The following CABLES1 variants were observed in gnomAD, a reference collection of about 807,000 sequenced individuals.
The protein encoded by CABLES1 is CDK5 and ABL1 enzyme substrate 1.
A neutral mutation model predicts 57.8 loss-of-function variants in CABLES1; 36 were observed. The ratio of observed to expected loss-of-function variants is 0.62; its 90% CI spans 0.48 to 0.82. The LOEUF (loss-of-function observed/expected upper bound fraction) is 0.82. Ranked by LOEUF, CABLES1 falls within the 40% of genes least tolerant of loss-of-function variation. The probability of loss-of-function intolerance (pLI) is 0.00; values close to 1 mark genes in which losing one functional copy is unlikely to be tolerated. For missense variants in CABLES1, 767 were observed against 836.6 expected, an observed-to-expected ratio of 0.92 and a Z score of 1.03; for synonymous variants, 374 against 363.0, an observed-to-expected ratio of 1.03 and a Z score of -0.35.
Position 23,253,887 on chromosome 18 carries a change from C to A in CABLES1, c.1712C>A (p.Ala571Asp). The A allele has an allele frequency of 1.9e-6, 3 of 1,614,128 alleles. No homozygotes were observed. The highest frequency in any genetic ancestry group is 2.5e-6 in the Non-Finnish European group (3 of 1,180,036). ...LCAGACVLLA[A>D]KIGSDLKKHE... ...GCTGGGGCATGTGTGCTGTTAGCAG[C>A]CAAAATTGGAAGTGACCTCAAAAAA... Residue 571 changes from alanine (A) to aspartate (D), a missense_variant, in exon 9 of 10, where the codon GCC becomes GAC. Physicochemically the swap from Ala to Asp is moderately radical, Grantham distance 126 (BLOSUM62 -2). Transcript: ENST00000256925.
intron 4 of CABLES1, among the ~76,000 whole-genome samples, chr18:23,223,075 A>G (rs1202374344): frequency 2.0e-5 from 3 of 152,194 alleles, no homozygotes; most frequent in African/African-American, 4.8e-5. Flanking sequence ...CAAGGATGCC[A>G]AGGGCCTTTA....
At chr18:23,147,550 G>C (rs958227571) in intron 1 of CABLES1, among the ~76,000 whole-genome samples, 1 of 152,206 alleles carries the variant, frequency 6.6e-6, no homozygotes, top group Admixed American at 6.5e-5. Flanking sequence ...AATTTGACAA[G>C]GTCTGCTCTG....
At chr18:23,194,386 G>A (rs959957794) in intron 2 of CABLES1, 62 bp from the exon 3 acceptor site, 5 of 1,013,548 alleles carry the variant, frequency 4.9e-6, no homozygotes, top group African/African-American at 1.6e-5. Context: ...GTCTTTATGT[G>A]GAGACGTCTC....
At position 23,218,684 on chromosome 18, in the gene CABLES1, C is replaced by G. The variant is rs28454708; in HGVS notation, c.1088+4630C>G. ...GGCTCCCGCATCCTCACTTGCCCTGCCTCCCACCATGGCCTCCACATTTTG... is the reference window on the plus strand; with the variant it reads ...GGCTCCCGCATCCTCACTTGCCCTGGCTCCCACCATGGCCTCCACATTTTG... On this transcript the variant is annotated intron_variant, in intron 4 of 9. Coordinates refer to ENST00000256925, the MANE Select transcript of CABLES1 (RefSeq NM_001100619.3). Among the ~76,000 whole-genome samples, 1,205 of 148,952 alleles carry G rather than the reference C, an allele frequency of 8.1e-3. 14 individuals are homozygous for G. The highest frequency in any genetic ancestry group is 0.014 in the Non-Finnish European group (919 of 66,620).
At chr18:23,176,998 C>G (rs551207664) in intron 1 of CABLES1, among the ~76,000 whole-genome samples, 1 of 152,282 alleles carries the variant, frequency 6.6e-6, no homozygotes, top group East Asian at 1.9e-4. Context: ...GCTCCGTTCT[C>G]TCCTGACTGT....
intron 7 of CABLES1, among the ~76,000 whole-genome samples, chr18:23,239,635 G>A (rs907683927): frequency 6.6e-6 from 1 of 152,184 alleles, no homozygotes; most frequent in South Asian, 2.1e-4. Flanking sequence ...TGGGGAACAG[G>A]TATAGAATTC....
intron 4 of CABLES1, among the ~76,000 whole-genome samples, chr18:23,227,568 A>G (rs758237256): frequency 2.0e-5 from 3 of 152,076 alleles, no homozygotes; most frequent in Non-Finnish European, 2.9e-5. Flanking sequence ...TTGTCCATCA[A>G]CTGTGGACCC....
At chr18:23,188,799 T>C (rs2047220981) in intron 1 of CABLES1, 39 bp from the exon 2 acceptor site, 4 of 1,413,364 alleles carry the variant, frequency 2.8e-6, no homozygotes, top group Non-Finnish European at 4.0e-6. Flanking sequence ...AGTTCTGCAA[T>C]GCAGTTTTAA....
At chr18:23,253,256 G>A (rs1422429971) in intron 8 of CABLES1, among the ~76,000 whole-genome samples, 190 bp downstream of exon 8, 5 of 152,220 alleles carry the variant, frequency 3.3e-5, no homozygotes, top group Non-Finnish European at 5.9e-5. Flanking sequence ...GCCGAAGTGG[G>A]CGGATCACCT....
Position 23,161,754 on chromosome 18 carries a change from C to CAAAAAAA in CABLES1, c.845+25162_845+25168dup, listed in dbSNP as rs1184010487. Among the ~76,000 whole-genome samples the CAAAAAAA allele has an allele frequency of 5.7e-4, 19 of 33,146 alleles. 6 individuals carry two copies. The highest frequency in any genetic ancestry group is 8.1e-4 in the Admixed American group (2 of 2,474). The allele number at this position is 33,146 out of a possible 152,430, so 21.7% of individuals were successfully genotyped here. ...TGAAACCCCGTCTCTACTAAAAATC[C>CAAAAAAA]AAAAAAAAAAAAAAAAAAAAAGCCA... On this transcript the variant is annotated intron_variant, in intron 1 of 9. Transcript: ENST00000256925.
chr18:23,167,293 G>A (rs913785412), intron 1 of CABLES1, among the ~76,000 whole-genome samples: 5 of 152,030 alleles, frequency 3.3e-5, no homozygotes, highest in African/African-American at 4.8e-5. Flanking sequence ...GGAGGAACTC[G>A]GCCCCTCACG....
At chr18:23,182,539 C>G (rs2047174683) in intron 1 of CABLES1, among the ~76,000 whole-genome samples, 1 of 152,228 alleles carries the variant, frequency 6.6e-6, no homozygotes, top group South Asian at 2.1e-4. Context: ...TCCAGCCACA[C>G]CCGGACCAGT....
intron 1 of CABLES1, among the ~76,000 whole-genome samples, chr18:23,140,408 T>C (rs2046850172): frequency 6.6e-6 from 1 of 151,334 alleles, no homozygotes; most frequent in Admixed American, 6.6e-5. Flanking sequence ...TGGTGACCAG[T>C]GTACTATTTT....
chr18:23,150,570 G>A (rs899500510), intron 1 of CABLES1, among the ~76,000 whole-genome samples: 2 of 152,174 alleles, frequency 1.3e-5, no homozygotes, highest in Admixed American at 6.5e-5. Context: ...CCTCTGCCCT[G>A]TGCCAAGCAC....
intron 7 of CABLES1, among the ~76,000 whole-genome samples, chr18:23,240,622 A>C (rs1448176012): frequency 1.3e-5 from 2 of 152,230 alleles, no homozygotes; most frequent in Non-Finnish European, 2.9e-5. Context: ...GGGAAGGAGC[A>C]GGCTTGTTGG....
intron 1 of CABLES1, among the ~76,000 whole-genome samples, chr18:23,184,413 A>AT (rs1050602109): frequency 4.6e-5 from 7 of 151,734 alleles, no homozygotes; most frequent in African/African-American, 1.7e-4. Context: ...ATAGAAATGT[A>AT]TTTTCTCGGC....
intron 1 of CABLES1, among the ~76,000 whole-genome samples, chr18:23,169,822 G>T (rs1222663631): frequency 6.6e-6 from 1 of 152,174 alleles, no homozygotes; most frequent in African/African-American, 2.4e-5. Context: ...TTGGGATGAG[G>T]GGTCTGAAGT....
intron 4 of CABLES1, among the ~76,000 whole-genome samples, chr18:23,220,623 G>T (rs1346552701): frequency 1.3e-5 from 2 of 152,184 alleles, no homozygotes; most frequent in Admixed American, 1.3e-4. Flanking sequence ...AGTACAGGCA[G>T]GCAGCACTGG....
chr18:23,153,236 C>T (rs994329079), intron 1 of CABLES1, among the ~76,000 whole-genome samples: 2 of 152,014 alleles, frequency 1.3e-5, no homozygotes, highest in Non-Finnish European at 2.9e-5. Flanking sequence ...GCTGGGCCTA[C>T]GGGCATGCAC....
Sources: allele counts gnomAD v4.1 joint callset (sites outside exome capture counted in the v4.1 genomes callset), GRCh38; gene constraint gnomAD v4.1.1; transcripts MANE v1.5; gene names NCBI Gene and HGNC (gene_info 2026-07-23, HGNC 2026-07-21).